The following TNIK variants were observed in gnomAD, a reference collection of about 807,000 sequenced individuals.
TNIK encodes the protein TRAF2 and NCK interacting kinase, also known as TRAF2 and NCK-interacting protein kinase.
A neutral mutation model predicts 191.3 loss-of-function variants in TNIK; 49 were observed. That is an observed-to-expected ratio of 0.26 (90% CI 0.20 to 0.32). The LOEUF is 0.32. Among genes scored for constraint, TNIK ranks in the 10% least tolerant of loss-of-function variants. The pLI, the probability that TNIK is intolerant of heterozygous loss-of-function variation, is 1.00. For synonymous variants in TNIK, 594 were observed against 600.9 expected, an observed-to-expected ratio of 0.99 and a Z score of 0.17; for missense variants, 1,155 against 1,702.3, an observed-to-expected ratio of 0.68 and a Z score of 5.66.
intron 1 of TNIK, among the ~76,000 whole-genome samples, chr3:171,443,816 C>T (rs576212554): frequency 6.6e-6 from 1 of 152,208 alleles, no homozygotes; most frequent in East Asian, 1.9e-4. Flanking sequence ...AGAGCAAGAC[C>T]CTGCCTCAAA....
At chr3:171,263,465 G>T (rs560587296) in intron 2 of TNIK, among the ~76,000 whole-genome samples, 10 of 151,788 alleles carry the variant, frequency 6.6e-5, no homozygotes, top group Non-Finnish European at 1.3e-4. Flanking sequence ...AATTTTGAGA[G>T]AAAAAAAGGA....
rs541085510 is a variant in TNIK, at chr3:171,065,589, C to T, written c.3999+598G>A. On this transcript the variant is annotated intron_variant, in intron 32 of 32. Coordinates refer to ENST00000436636, the MANE Select transcript of TNIK (RefSeq NM_015028.4). ...GAAGCAGTACTGCTGCAGAATACCC[C>T]TCTGAGGTCACTGATCATGCCAGAC... Among the ~76,000 whole-genome samples, 9 of 152,332 alleles carry T rather than the reference C, an allele frequency of 5.9e-5. No homozygotes were observed. The East Asian group carries it at 1.7e-3, about 29-fold the overall frequency.
At chr3:171,339,947 G>A (rs948822901) in intron 2 of TNIK, among the ~76,000 whole-genome samples, 2 of 152,088 alleles carry the variant, frequency 1.3e-5, no homozygotes, top group African/African-American at 2.4e-5. Context: ...TCTAGAAATA[G>A]TGTCCATATA....
At chr3:171,107,324 G>A in intron 20 of TNIK, 118 bp from the exon 21 acceptor site, 1 of 873,846 alleles carries the variant, frequency 1.1e-6, no homozygotes, top group Non-Finnish European at 1.8e-6. Flanking sequence ...ATACAAAAGG[G>A]CGAAGAGAAT....
chr3:171,107,552 C>A (rs1318669733), intron 20 of TNIK, among the ~76,000 whole-genome samples: 1 of 152,314 alleles, frequency 6.6e-6, no homozygotes, highest in East Asian at 1.9e-4. Flanking sequence ...ACCTGGGGGT[C>A]TATCATGTTA....
At chr3:171,402,027 G>T (rs1188567825) in intron 1 of TNIK, among the ~76,000 whole-genome samples, 1 of 152,204 alleles carries the variant, frequency 6.6e-6, no homozygotes, top group Middle Eastern at 3.2e-3. Context: ...GCTATGTGGG[G>T]TGTTAAACCC....
At chr3:171,144,322 GAGT>G (rs1731245140) in intron 12 of TNIK, among the ~76,000 whole-genome samples, 1 of 152,166 alleles carries the variant, frequency 6.6e-6, no homozygotes, top group Non-Finnish European at 1.5e-5. Context: ...TTACTCTATG[GAGT>G]AGATAATCAG....
At chr3:171,069,349 G>A (rs1379186716) in intron 29 of TNIK, among the ~76,000 whole-genome samples, 2 of 152,086 alleles carry the variant, frequency 1.3e-5, no homozygotes, top group African/African-American at 4.8e-5. Context: ...TCACCTCTCT[G>A]GCCCCCCTCT....
chr3:171,208,084 A>G (rs1740318926), intron 4 of TNIK, among the ~76,000 whole-genome samples: 1 of 152,144 alleles, frequency 6.6e-6, no homozygotes, highest in Non-Finnish European at 1.5e-5. Context: ...TAATCCCAGT[A>G]CTTTGGGAGG....
intron 4 of TNIK, among the ~76,000 whole-genome samples, chr3:171,200,125 T>C (rs1400489507): frequency 6.6e-6 from 1 of 152,240 alleles, no homozygotes; most frequent in Non-Finnish European, 1.5e-5. Context: ...TGGATCTTTT[T>C]ATTTGGAAGG....
Position 171,234,242 on chromosome 3 carries a change from G to A in TNIK, c.124-6021C>T, listed in dbSNP as rs145362645. ...AGACTCCAAAGATCCTTATGATCAAGTAACATGAATGTTCACAGAGCATAC... is the reference window on the plus strand; with the variant it reads ...AGACTCCAAAGATCCTTATGATCAAATAACATGAATGTTCACAGAGCATAC... On this transcript the variant is annotated intron_variant, in intron 2 of 32. Transcript: ENST00000436636. 7.9e-5 allele frequency among the ~76,000 whole-genome samples: 12 copies of A among 152,296 alleles called. No homozygotes were observed. The East Asian group carries it at 2.3e-3, about 29-fold the overall frequency.
At chr3:171,339,045 C>T (rs4894536) in intron 2 of TNIK, among the ~76,000 whole-genome samples, 103,364 of 152,068 alleles carry the variant, frequency 0.68, 35,973 homozygotes, top group African/African-American at 0.84. Context: ...ATTCATGCAT[C>T]CCTTTAACAA....
At chr3:171,410,533 A>G (rs1722245579) in intron 1 of TNIK, among the ~76,000 whole-genome samples, 1 of 152,080 alleles carries the variant, frequency 6.6e-6, no homozygotes, top group Non-Finnish European at 1.5e-5. Context: ...TAATCCCAGC[A>G]CTTTGGGAGG....
chr3:171,414,448 G>A (rs1015212869), intron 1 of TNIK, among the ~76,000 whole-genome samples: 4 of 152,126 alleles, frequency 2.6e-5, no homozygotes, highest in African/African-American at 9.7e-5. Flanking sequence ...CTATAACAAA[G>A]GTCTAAATGA....
At chr3:171,197,961 CAT>C (rs1738909535) in intron 4 of TNIK, among the ~76,000 whole-genome samples, 2 of 152,194 alleles carry the variant, frequency 1.3e-5, no homozygotes, top group Admixed American at 6.5e-5. Flanking sequence ...AAAACTTGTA[CAT>C]GAGTGTTCAA....
In TNIK at chr3:171,365,197, T is replaced by TTTTTTTTTTTC. The variant is rs1224095923; in HGVS notation, c.123+4422_123+4423insGAAAAAAAAAA. 5.6e-5 allele frequency among the ~76,000 whole-genome samples: 6 copies of TTTTTTTTTTTC among 107,852 alleles called. 1 individual carries two copies. In the South Asian group the frequency reaches 2.2e-3, roughly 39 times the overall value. The allele number at this position is 107,852 out of a possible 152,430, so 70.8% of individuals were successfully genotyped here. ...TTTTTTTTTTTTTTTTTTTTTTTTT[T>TTTTTTTTTTTC]TTGAGACAGAGTTTCGCTCTACTTG... On this transcript the variant is annotated intron_variant, in intron 2 of 32. Coordinates refer to ENST00000436636, the MANE Select transcript of TNIK (RefSeq NM_015028.4).
chr3:171,175,184 C>G (rs577521162), intron 9 of TNIK, 68 bp downstream of exon 9: 13 of 1,464,312 alleles, frequency 8.9e-6, no homozygotes, highest in Non-Finnish European at 1.2e-5. Flanking sequence ...GGGATTAGAG[C>G]TAATCCAAAA....
chr3:171,145,011 T>C (rs551870106), intron 12 of TNIK, among the ~76,000 whole-genome samples: 2 of 152,310 alleles, frequency 1.3e-5, no homozygotes, highest in African/African-American at 4.8e-5. Context: ...CATCCACTGA[T>C]GGACACTTGG....
intron 1 of TNIK, among the ~76,000 whole-genome samples, chr3:171,449,570 A>T (rs1285134064): frequency 1.4e-5 from 2 of 143,086 alleles, no homozygotes; most frequent in African/African-American, 6.1e-5. Context: ...TCTCCACTTT[A>T]AAAAAAATCT....
Sources: gnomAD v4.1 joint callset for allele counts (sites outside exome capture counted in the v4.1 genomes callset) on GRCh38, gnomAD v4.1.1 for gene constraint, MANE v1.5 for transcripts, NCBI Gene and HGNC (gene_info 2026-07-23, HGNC 2026-07-21) for gene names.